KALRN: variants seen among roughly 807,000 people sequenced by gnomAD.
KALRN encodes the protein kalirin.
Under a neutral mutation model 353.7 loss-of-function variants are expected in KALRN, and 70 were observed. The ratio of observed to expected loss-of-function variants is 0.20; its 90% CI spans 0.16 to 0.24. The LOEUF (loss-of-function observed/expected upper bound fraction) is 0.24, where lower values mean the gene tolerates loss of function less well. Among genes scored for constraint, KALRN ranks in the 10% least tolerant of loss-of-function variants. The pLI is 1.00. For synonymous variants in KALRN, 1,391 were observed against 1,434.8 expected (o/e 0.97, Z 0.69); for missense variants, 2,791 against 3,756.7 (o/e 0.74, Z 6.72).
rs149360410 is a variant in KALRN, at chr3:124,462,630, A to G, written c.4028A>G (p.Asn1343Ser). 45 of 1,589,820 alleles carry G rather than the reference A, an allele frequency of 2.8e-5. No individual in the cohort carries two copies. Among genetic ancestry groups the G allele is most frequent in the Middle Eastern group, 1.7e-4 (1 of 6,030 alleles). Residue 1343 changes from asparagine (N) to serine (S), a missense_variant, in exon 25 of 60, where the codon AAC (asparagine) becomes AGC (serine). Asn to Ser is a conservative substitution (Grantham distance 46). Coordinates refer to ENST00000682506, the MANE Select transcript of KALRN (RefSeq NM_001388419.1). ...ATCCAAGAGATCTACGATTTCCATA[A>G]CAAGTAGGTTTGTGGAGGGTCTCAG... Reference protein sequence around the residue: ...GNIQEIYDFHNNIFLKELEKY... With the variant: ...GNIQEIYDFHSNIFLKELEKY...
At chr3:124,268,654 G>A in intron 4 of KALRN, 89 bp from the exon 5 acceptor site, 1 of 1,376,332 alleles carries the variant, frequency 7.3e-7, no homozygotes, top group South Asian at 1.3e-5. Flanking sequence ...TTATTATGTG[G>A]ATTTATCTTG....
At chr3:124,284,791 A>G (rs1049542076) in intron 5 of KALRN, among the ~76,000 whole-genome samples, 2 of 152,228 alleles carry the variant, frequency 1.3e-5, no homozygotes, top group African/African-American at 4.8e-5. Context: ...TTGCTTAAAT[A>G]TCAAGGAAAT....
chr3:124,220,037 C>T (rs1006465210), intron 1 of KALRN, among the ~76,000 whole-genome samples: 16 of 151,968 alleles, frequency 1.1e-4, no homozygotes, highest in Non-Finnish European at 2.2e-4. Context: ...CTCTGCCTCC[C>T]GGGTTCAAGC....
chr3:124,165,244 C>T (rs1419207805), intron 1 of KALRN, among the ~76,000 whole-genome samples: 1 of 152,114 alleles, frequency 6.6e-6, no homozygotes, highest in Non-Finnish European at 1.5e-5. Context: ...ATAAATGTTG[C>T]TGCTTGTCTA....
At position 124,357,639 on chromosome 3, in the gene KALRN, T is replaced by G. The variant is rs112505177; in HGVS notation, c.1770+10374T>G. Among the ~76,000 whole-genome samples, 201 of 152,248 alleles carry G rather than the reference T, an allele frequency of 1.3e-3. 1 individual carries two copies. The highest frequency in any genetic ancestry group is 4.5e-3 in the African/African-American group (189 of 41,544). On this transcript the variant is annotated intron_variant, in intron 10 of 59. Coordinates refer to ENST00000682506, the MANE Select transcript of KALRN (RefSeq NM_001388419.1). ...TTCAAACACTTGTCTCAAGTATACC[T>G]CCTCTAGGAAGCCCTCAGTAGCCTC...
Position 124,608,901 on chromosome 3 carries a change from C to A in KALRN, c.5183-23519C>A, listed in dbSNP as rs139781163. Among the ~76,000 whole-genome samples the A allele has an allele frequency of 3.7e-3, 558 of 152,218 alleles. 3 individuals are homozygous for A. Among genetic ancestry groups the A allele is most frequent in the African/African-American group, 0.013 (525 of 41,516 alleles). On this transcript the variant is annotated intron_variant, in intron 34 of 59. Coordinates refer to ENST00000682506, the MANE Select transcript of KALRN (RefSeq NM_001388419.1). ...ATCATACGTGGGGTTCTTTGTGTGG[C>A]CCAGTGCTGCTTTTACTGTACTCCT...
intron 1 of KALRN, among the ~76,000 whole-genome samples, chr3:124,217,399 C>A (rs996043568): frequency 5.9e-5 from 9 of 152,176 alleles, no homozygotes. Flanking sequence ...ATCTAGATAC[C>A]TGAACATTGT....
intron 1 of KALRN, among the ~76,000 whole-genome samples, chr3:124,115,293 A>G (rs762916902): frequency 6.6e-6 from 1 of 152,164 alleles, no homozygotes; most frequent in African/African-American, 2.4e-5. Flanking sequence ...TCAGTAGTCT[A>G]TGGGCAGCCA....
chr3:124,690,726 G>A (rs1056117538), intron 51 of KALRN, among the ~76,000 whole-genome samples: 1 of 152,190 alleles, frequency 6.6e-6, no homozygotes, highest in African/African-American at 2.4e-5. Context: ...CATTTGCTCT[G>A]CACTTCCTCC....
At chr3:124,320,200 G>A (rs2149364196) in intron 6 of KALRN, among the ~76,000 whole-genome samples, 1 of 152,260 alleles carries the variant, frequency 6.6e-6, no homozygotes, top group South Asian at 2.1e-4. Context: ...TCCCTCCCTT[G>A]ACTTTTTGAT....
chr3:124,197,183 A>G (rs2141666), intron 1 of KALRN, among the ~76,000 whole-genome samples: 51,805 of 152,072 alleles, frequency 0.34, 8,887 homozygotes, highest in East Asian at 0.53. Context: ...TTTGCCTTAT[A>G]TAATTCTGTC....
chr3:124,201,983 G>C (rs754624842), intron 1 of KALRN, among the ~76,000 whole-genome samples: 1 of 152,182 alleles, frequency 6.6e-6, no homozygotes, highest in Non-Finnish European at 1.5e-5. Flanking sequence ...GCCAGGCTGG[G>C]CCAGATGCTG....
chr3:124,231,727 C>A (rs1199884635), intron 2 of KALRN, among the ~76,000 whole-genome samples: 1 of 149,912 alleles, frequency 6.7e-6, no homozygotes, highest in African/African-American at 2.4e-5. Flanking sequence ...TTTTTTTAAT[C>A]TGGCATTTTC....
chr3:124,660,935 T>C lies in KALRN; in HGVS notation c.6229T>C (p.Tyr2077His). 2 of 1,610,832 alleles carry C rather than the reference T, an allele frequency of 1.2e-6. No individual in the cohort carries two copies. The highest frequency in any genetic ancestry group is 2.2e-5 in the East Asian group (1 of 44,852). ...YQLLLKDFLR[Y>H]SEKAGLECSD... ...CCCTACTTGTTAGGACTTCCTGAGA[T>C]ACAGTGAGAAGGCTGGTTTGGAGTG... Residue 2077 changes from tyrosine (Y) to histidine (H), a missense_variant, in exon 44 of 60, where the codon TAC becomes CAC. By Grantham distance (83) the Tyr-to-His change is moderately conservative. Coordinates refer to ENST00000682506, the MANE Select transcript of KALRN (RefSeq NM_001388419.1).
At chr3:124,153,707 T>C (rs1181582818) in intron 1 of KALRN, among the ~76,000 whole-genome samples, 1 of 151,744 alleles carries the variant, frequency 6.6e-6, no homozygotes, top group Non-Finnish European at 1.5e-5. Flanking sequence ...ACTTCAACAA[T>C]GGTTGAACTA....
intron 1 of KALRN, among the ~76,000 whole-genome samples, chr3:124,108,288 C>T (rs1008213350): frequency 6.6e-6 from 1 of 152,176 alleles, no homozygotes; most frequent in Non-Finnish European, 1.5e-5. Flanking sequence ...CATTTCTCTT[C>T]TCACTACTCC....
At chr3:124,211,568 A>G (rs893732041) in intron 1 of KALRN, among the ~76,000 whole-genome samples, 12 of 152,338 alleles carry the variant, frequency 7.9e-5, no homozygotes, top group African/African-American at 2.6e-4. Flanking sequence ...GTACAGGCCC[A>G]TGGGCTTAGG....
At chr3:124,389,811 T>C (rs919765304) in intron 11 of KALRN, among the ~76,000 whole-genome samples, 1 of 152,210 alleles carries the variant, frequency 6.6e-6, no homozygotes, top group African/African-American at 2.4e-5. Context: ...GAATTTAAGA[T>C]TGATATGGGA....
At chr3:124,415,586 G>A (rs2092451118) in intron 14 of KALRN, among the ~76,000 whole-genome samples, 1 of 152,212 alleles carries the variant, frequency 6.6e-6, no homozygotes, top group Non-Finnish European at 1.5e-5. Flanking sequence ...GTACACAAGA[G>A]TACGTGGCAA....
Sources: gnomAD v4.1 joint callset for allele counts (sites outside exome capture counted in the v4.1 genomes callset) on GRCh38, gnomAD v4.1.1 for gene constraint, MANE v1.5 for transcripts, NCBI Gene and HGNC (gene_info 2026-07-23, HGNC 2026-07-21) for gene names.